DMXL1: variants seen among roughly 807,000 people sequenced by gnomAD.
DMXL1 encodes dmX-like protein 1.
A neutral mutation model predicts 319.2 loss-of-function variants in DMXL1; 99 were observed. The observed-to-expected ratio is 0.31, with a 90% confidence interval of 0.26 to 0.37. DMXL1 has a LOEUF of 0.37. DMXL1 is among the 10% of genes least tolerant of loss of function. The pLI is 1.00. For missense variants in DMXL1, 3,745 were observed against 3,595.6 expected (o/e 1.04, Z -1.06); for synonymous variants, 1,385 against 1,235.2 (o/e 1.12, Z -2.54).
chr5:119,225,236 G>A (rs1410502124), intron 38 of DMXL1, among the ~76,000 whole-genome samples: 1 of 151,702 alleles, frequency 6.6e-6, no homozygotes, highest in East Asian at 1.9e-4. Context: ...TTTTCAGTTG[G>A]TCTTTTATGA....
intron 34 of DMXL1, among the ~76,000 whole-genome samples, chr5:119,214,000 C>G (rs919035919): frequency 2.0e-5 from 3 of 152,132 alleles, no homozygotes; most frequent in Non-Finnish European, 4.4e-5. Flanking sequence ...TTGGTTGCCC[C>G]AGAATTCAGT....
At chr5:119,122,908 C>T (rs892870437) in intron 9 of DMXL1, among the ~76,000 whole-genome samples, 9 of 152,152 alleles carry the variant, frequency 5.9e-5, no homozygotes, top group East Asian at 1.9e-4. Context: ...GGGTGGCGGC[C>T]GGGCAGAGGC....
chr5:119,129,072 C>G lies in DMXL1; in HGVS notation c.1103-139C>G, dbSNP rs540837397. 2.0e-4 allele frequency: 127 copies of G among 630,210 alleles called. 1 individual carries two copies. In the South Asian group the frequency reaches 2.9e-3, roughly 14 times the overall value. 39.0% of individuals were successfully genotyped at this position (630,210 alleles called of 1,614,324 possible). ...ACTCTGTCTCAAAAAAACAAAATCT[C>G]AAAATAAAATTAAAAAGTGAAAGAG... On this transcript the variant is annotated intron_variant, in intron 9 of 43. Coordinates refer to ENST00000539542, the MANE Select transcript of DMXL1 (RefSeq NM_001290321.3).
intron 42 of DMXL1, among the ~76,000 whole-genome samples, 192 bp downstream of exon 42, chr5:119,240,663 G>A (rs1788606257): frequency 6.6e-6 from 1 of 152,046 alleles, no homozygotes. Context: ...CCTTGATGGG[G>A]GACAGTGAGA....
intron 23 of DMXL1, among the ~76,000 whole-genome samples, chr5:119,168,939 T>C (rs1186208470): frequency 1.3e-5 from 2 of 152,056 alleles, no homozygotes; most frequent in Admixed American, 6.6e-5. Context: ...AGTCTCACTC[T>C]CACCCAGGCT....
chr5:119,133,093 G>T (rs777843016), intron 10 of DMXL1, 39 bp from the exon 11 acceptor site: 2 of 1,604,926 alleles, frequency 1.2e-6, no homozygotes, highest in African/African-American at 2.7e-5. Flanking sequence ...GTAATAACCT[G>T]TTTGTATTTA....
At chr5:119,108,911 C>G (rs1758946762) in intron 4 of DMXL1, among the ~76,000 whole-genome samples, 1 of 152,014 alleles carries the variant, frequency 6.6e-6, no homozygotes, top group Non-Finnish European at 1.5e-5. Context: ...AAGTGATTCT[C>G]CTGCCTCAGC....
At chr5:119,104,050 A>G (rs939047889) in intron 3 of DMXL1, 3 of 152,258 alleles carry the variant, frequency 2.0e-5, no homozygotes, top group African/African-American at 7.2e-5. Flanking sequence ...TATAAAATCT[A>G]TGATTCTAAA....
At chr5:119,121,448 C>T (rs541617655) in intron 9 of DMXL1, among the ~76,000 whole-genome samples, 46 of 151,996 alleles carry the variant, frequency 3.0e-4, no homozygotes, top group Non-Finnish European at 1.6e-4. Context: ...GTGTTTGTGT[C>T]CCTGGGTACT....
intron 19 of DMXL1, among the ~76,000 whole-genome samples, chr5:119,160,762 T>C (rs542123413): frequency 3.3e-5 from 5 of 152,348 alleles, no homozygotes; most frequent in Admixed American, 3.3e-4. Context: ...TTTATCATTA[T>C]GTAACATACT....
chr5:119,091,249 C>G (rs923796028), intron 1 of DMXL1, among the ~76,000 whole-genome samples: 2 of 152,068 alleles, frequency 1.3e-5, no homozygotes, highest in Non-Finnish European at 2.9e-5. Context: ...CTCTGTTGCC[C>G]AGGCTGGAGT....
chr5:119,102,497 A>T (rs1489270739), intron 3 of DMXL1, among the ~76,000 whole-genome samples: 1 of 152,234 alleles, frequency 6.6e-6, no homozygotes, highest in Non-Finnish European at 1.5e-5. Context: ...TGGTTACCCA[A>T]TAATTTATAA....
chr5:119,082,200 C>G (rs1440217786), intron 1 of DMXL1, among the ~76,000 whole-genome samples: 1 of 152,054 alleles, frequency 6.6e-6, no homozygotes, highest in Non-Finnish European at 1.5e-5. Context: ...CAGCCTCAAA[C>G]TCTTGAGTTT....
Position 119,135,936 on chromosome 5 carries a change from C to T in DMXL1, c.2376+1547C>T, listed in dbSNP as rs191283715. ...ATAAGGATAACCCAAAATGTGGAAG[C>T]GGTGTTGGAACTGGGTAACAGGCAG... On this transcript the variant is annotated intron_variant, in intron 13 of 43. Coordinates refer to ENST00000539542, the MANE Select transcript of DMXL1 (RefSeq NM_001290321.3). Among the ~76,000 whole-genome samples, 36 of 152,198 alleles carry T rather than the reference C, an allele frequency of 2.4e-4. No homozygotes were observed. In the East Asian group the frequency reaches 6.4e-3, roughly 27 times the overall value.
rs371487247 is a variant in DMXL1, at chr5:119,092,828, C to T, written c.88-5151C>T. 2.0e-5 allele frequency among the ~76,000 whole-genome samples: 3 copies of T among 152,148 alleles called. No homozygotes were observed. The East Asian group carries it at 5.8e-4, about 29-fold the overall frequency. Reference sequence around the variant, plus strand: ...AAGTTCATCCATGTTCTAGCATTTACTAGTACTTTTTATGGCTTAATAATA... The same window carrying T: ...AAGTTCATCCATGTTCTAGCATTTATTAGTACTTTTTATGGCTTAATAATA... On this transcript the variant is annotated intron_variant, in intron 1 of 43. Coordinates refer to ENST00000539542, the MANE Select transcript of DMXL1 (RefSeq NM_001290321.3).
At chr5:119,215,611 C>T (rs944009106) in intron 34 of DMXL1, among the ~76,000 whole-genome samples, 6 of 152,028 alleles carry the variant, frequency 3.9e-5, no homozygotes, top group Non-Finnish European at 5.9e-5. Context: ...GGATTATAGG[C>T]GTGAGCCACC....
At chr5:119,121,621 C>T (rs1762077293) in intron 9 of DMXL1, among the ~76,000 whole-genome samples, 1 of 152,144 alleles carries the variant, frequency 6.6e-6, no homozygotes, top group Non-Finnish European at 1.5e-5. Context: ...TCAACAGGAT[C>T]CCAAGGCAGA....
In DMXL1 at chr5:119,165,168, AT is replaced by A. The variant is rs34346671; in HGVS notation, c.4873-9del. The stretch of plus-strand genomic sequence containing the variant: ...CTGTTTCTGTGAAATTTTGATCAAT[AT>A]TTTTTGATTATAGGTAGCTAAAGCA... On this transcript the variant is annotated splice_polypyrimidine_tract_variant and intron_variant, in intron 20 of 43. Coordinates refer to ENST00000539542, the MANE Select transcript of DMXL1 (RefSeq NM_001290321.3). 5.3e-6 allele frequency: 8 copies of A among 1,501,074 alleles called. No individual in the cohort carries two copies. Among genetic ancestry groups the A allele is most frequent in the East Asian group, 2.3e-5 (1 of 44,084 alleles). The allele number at this position is 1,501,074 out of a possible 1,614,324, so 93.0% of individuals were successfully genotyped here. A position where few individuals can be genotyped will look rare whatever the true frequency, so the allele number is the denominator to read the frequency against.
intron 9 of DMXL1, among the ~76,000 whole-genome samples, chr5:119,122,848 C>T (rs1468358911): frequency 1.3e-5 from 2 of 151,764 alleles, no homozygotes; most frequent in Non-Finnish European, 2.9e-5. Context: ...GGGCTCCTCA[C>T]ATCCCAGACG....
Sources: allele counts gnomAD v4.1 joint callset (sites outside exome capture counted in the v4.1 genomes callset), GRCh38; gene constraint gnomAD v4.1.1; transcripts MANE v1.5; gene names NCBI Gene and HGNC (gene_info 2026-07-23, HGNC 2026-07-21).